Variants in SOX6 observed in about 807,000 individuals in gnomAD.
The protein encoded by SOX6 is SRY-box transcription factor 6.
SOX6 carries 11 observed loss-of-function variants against 97.8 expected under a neutral mutation model. The ratio of observed to expected loss-of-function variants is 0.11; its 90% CI spans 0.07 to 0.19. SOX6 has a LOEUF of 0.19. SOX6 is among the 10% of genes least tolerant of loss of function. The probability of loss-of-function intolerance (pLI) is 1.00; values close to 1 mark genes in which losing one functional copy is unlikely to be tolerated. For missense variants in SOX6, 810 were observed against 1,039.5 expected (o/e 0.78, Z 3.04); for synonymous variants, 360 against 371.4 (o/e 0.97, Z 0.35).
At chr11:16,345,187 C>CCA (rs1394978128) in intron 1 of SOX6, among the ~76,000 whole-genome samples, 1 of 151,832 alleles carries the variant, frequency 6.6e-6, no homozygotes, top group Non-Finnish European at 1.5e-5. Flanking sequence ...TCACATGGTA[C>CCA]CAGTGTATTG....
At chr11:16,464,316 A>G (rs1205038689) in intron 1 of SOX6, among the ~76,000 whole-genome samples, 1 of 152,182 alleles carries the variant, frequency 6.6e-6, no homozygotes, top group Non-Finnish European at 1.5e-5. Context: ...TTTAGTTTAT[A>G]TAAGAAACCC....
At chr11:16,656,648 A>G (rs1441984396) in intron 3 of SOX6, among the ~76,000 whole-genome samples, 1 of 152,152 alleles carries the variant, frequency 6.6e-6, no homozygotes, top group Non-Finnish European at 1.5e-5. Flanking sequence ...TCTAAATAAA[A>G]TTTTACTTTA....
chr11:16,072,520 T>C (rs998806356), intron 9 of SOX6, among the ~76,000 whole-genome samples: 2 of 152,156 alleles, frequency 1.3e-5, no homozygotes, highest in African/African-American at 4.8e-5. Flanking sequence ...TTGGAAAACA[T>C]GTTTGAAGAT....
At chr11:16,551,830 C>T (rs1334243722) in intron 4 of SOX6, among the ~76,000 whole-genome samples, 2 of 152,030 alleles carry the variant, frequency 1.3e-5, no homozygotes, top group African/African-American at 4.8e-5. Context: ...GTCTTGAACT[C>T]CTGACCTCAG....
chr11:16,617,206 G>A (rs1397899246), intron 3 of SOX6, among the ~76,000 whole-genome samples: 1 of 151,768 alleles, frequency 6.6e-6, no homozygotes. Flanking sequence ...AACATATTAT[G>A]TTTAAAATGG....
intron 3 of SOX6, among the ~76,000 whole-genome samples, chr11:16,267,939 C>G (rs182255095): frequency 7.9e-5 from 12 of 151,410 alleles, no homozygotes; most frequent in African/African-American, 2.9e-4. Context: ...TCAAATAAGC[C>G]AAACACAGAA....
intron 6 of SOX6, among the ~76,000 whole-genome samples, chr11:16,132,314 GGAAGGAAGGAAGGAAGGAAAGAAA>G (rs1849774758): frequency 6.1e-5 from 6 of 98,028 alleles, no homozygotes; most frequent in African/African-American, 1.9e-4. Flanking sequence ...AAGGAAGGAA[GGAAGGAAGGAAGGAAGGAAAGAAA>G]AAAGAAAGAA....
At chr11:16,636,370 T>C (rs1038447065) in intron 3 of SOX6, among the ~76,000 whole-genome samples, 9 of 152,224 alleles carry the variant, frequency 5.9e-5, no homozygotes, top group Non-Finnish European at 8.8e-5. Flanking sequence ...CTCTTCGTTT[T>C]GGTCAATTTC....
chr11:15,966,680 A>G lies in SOX6; in HGVS notation c.*6129T>C, dbSNP rs1853151158. The G allele has an allele frequency of 6.6e-6, 1 of 152,250 alleles. No individual in the cohort carries two copies. The highest frequency in any genetic ancestry group is 1.5e-5 in the Non-Finnish European group (1 of 68,044). The allele number at this position is 152,250 out of a possible 1,614,324, so 9.4% of individuals were successfully genotyped here. A position where few individuals can be genotyped will look rare whatever the true frequency, so the allele number is the denominator to read the frequency against. On this transcript the variant is annotated 3_prime_UTR_variant, in exon 16 of 16. Transcript: ENST00000683767. Reference sequence around the variant, plus strand: ...AGCACCTTGTGCAAAAAGGAAAAAAAAAAAGTAGCTAAGGTGCCAACATAC... The same window carrying G: ...AGCACCTTGTGCAAAAAGGAAAAAAGAAAAGTAGCTAAGGTGCCAACATAC...
intron 4 of SOX6, among the ~76,000 whole-genome samples, chr11:16,188,594 T>G (rs1368349096): frequency 6.6e-6 from 1 of 152,156 alleles, no homozygotes; most frequent in Non-Finnish European, 1.5e-5. Context: ...TATACAGGAA[T>G]GAGAAAATAC....
chr11:16,622,377 C>T (rs1208850715), intron 3 of SOX6, among the ~76,000 whole-genome samples: 2 of 152,146 alleles, frequency 1.3e-5, no homozygotes, highest in Non-Finnish European at 2.9e-5. Context: ...CCACCTGAGC[C>T]GTGTACACTG....
Position 16,515,765 on chromosome 11 carries a change from T to C in SOX6, n.610-39377A>G, listed in dbSNP as rs1217071130. 7.2e-3 allele frequency among the ~76,000 whole-genome samples: 926 copies of C among 129,456 alleles called. 8 individuals are homozygous for C. The highest frequency in any genetic ancestry group is 0.025 in the African/African-American group (883 of 34,872). The allele number at this position is 129,456 out of a possible 152,430, so 84.9% of individuals were successfully genotyped here. On this transcript the variant is annotated intron_variant and non_coding_transcript_variant, in intron 4 of 5. Transcript: ENST00000524520. ...GGATCCAGTTTCACCTTTCTACATA[T>C]GGCTAGCCAGTTTTCCCAGCACCAT... is the stretch of plus-strand genomic sequence containing the variant.
chr11:16,128,511 C>T (rs1170033949), intron 6 of SOX6, among the ~76,000 whole-genome samples: 1 of 152,132 alleles, frequency 6.6e-6, no homozygotes, highest in Non-Finnish European at 1.5e-5. Context: ...AGTGACTTGC[C>T]AAGGTCACAA....
chr11:16,411,301 C>A (rs1858813615), intron 1 of SOX6, among the ~76,000 whole-genome samples: 1 of 152,076 alleles, frequency 6.6e-6, no homozygotes, highest in African/African-American at 2.4e-5. Context: ...TAAAATTGTT[C>A]TAATGAGGCC....
rs527448121 is a variant in SOX6, at chr11:16,522,743, G to A, written n.610-46355C>T. ...GCTGTATTCAGGAAACCCATCCCAC[G>A]TGCGGAGACACACATAGGCTCAAAA... On this transcript the variant is annotated intron_variant and non_coding_transcript_variant, in intron 4 of 5. Coordinates refer to the SOX6 transcript ENST00000524520. Among the ~76,000 whole-genome samples, 20 of 152,194 alleles carry A rather than the reference G, an allele frequency of 1.3e-4. No homozygotes were observed. The South Asian group carries it at 3.9e-3, about 30-fold the overall frequency.
At chr11:16,286,427 T>C (rs1372462901) in intron 3 of SOX6, among the ~76,000 whole-genome samples, 1 of 152,140 alleles carries the variant, frequency 6.6e-6, no homozygotes, top group East Asian at 1.9e-4. Flanking sequence ...CAGGCCAAAT[T>C]GTCTTAAGAT....
At chr11:16,131,506 A>G (rs540212406) in intron 6 of SOX6, among the ~76,000 whole-genome samples, 19 of 152,232 alleles carry the variant, frequency 1.2e-4, no homozygotes, top group African/African-American at 4.6e-4. Context: ...GCTGGTTGGA[A>G]TTAAAAATGA....
intron 12 of SOX6, among the ~76,000 whole-genome samples, chr11:16,043,961 CAGCCTGG>C (rs1160737391): frequency 1.3e-5 from 2 of 152,166 alleles, no homozygotes; most frequent in Non-Finnish European, 2.9e-5. Context: ...ATGGCCATGG[CAGCCTGG>C]AAGCTTCCTA....
intron 4 of SOX6, among the ~76,000 whole-genome samples, chr11:16,534,328 T>C (rs1020694925): frequency 6.6e-6 from 1 of 152,150 alleles, no homozygotes; most frequent in Non-Finnish European, 1.5e-5. Flanking sequence ...AAGAAAGTTA[T>C]AGATAACACT....
Sources: gnomAD v4.1 joint callset for allele counts (sites outside exome capture counted in the v4.1 genomes callset) on GRCh38, gnomAD v4.1.1 for gene constraint, MANE v1.5 for transcripts, NCBI Gene and HGNC (gene_info 2026-07-23, HGNC 2026-07-21) for gene names.